The following CABP1 variants were observed in gnomAD, a reference collection of about 807,000 sequenced individuals.
CABP1 encodes the protein calcium binding protein 1.
In CABP1, 17 loss-of-function variants were observed where a neutral mutation model predicts 34.3. The observed-to-expected ratio is 0.50, with a 90% CI of 0.34 to 0.74. The LOEUF (loss-of-function observed/expected upper bound fraction) is 0.74. Among genes scored for constraint, CABP1 ranks in the 30% least tolerant of loss-of-function variants. The probability of loss-of-function intolerance (pLI) is 0.01; values close to 1 mark genes in which losing one functional copy is unlikely to be tolerated. For synonymous variants in CABP1, 198 were observed against 229.2 expected (o/e 0.86, Z 1.23); for missense variants, 373 against 511.1 (o/e 0.73, Z 2.61).
downstream of CABP1, among the ~76,000 whole-genome samples, chr12:120,671,409 G>A (rs78025165): frequency 9.4e-3 from 1,429 of 152,308 alleles, 5 homozygotes; most frequent in Non-Finnish European, 0.015. Context: ...ACTATTTCTG[G>A]TCTGGGAATA....
chr12:120,677,911 T>C, the CABP1 span, among the ~76,000 whole-genome samples: 8 of 152,172 alleles, frequency 5.3e-5, no homozygotes, highest in Non-Finnish European at 7.3e-5. Context: ...TCATATCCTC[T>C]TGGGGGACAT....
intron 1 of CABP1, among the ~76,000 whole-genome samples, chr12:120,645,722 G>A (rs929513506): frequency 2.2e-4 from 33 of 152,074 alleles, no homozygotes; most frequent in African/African-American, 7.0e-4. Context: ...CCAGCTACTC[G>A]GGAGGCTGAG....
chr12:120,679,230 C>T, the CABP1 span, among the ~76,000 whole-genome samples: 1 of 152,144 alleles, frequency 6.6e-6, no homozygotes, highest in African/African-American at 2.4e-5. Context: ...CCCAAAGTCA[C>T]ACAGTGACTA....
chr12:120,680,222 G>A, the CABP1 span, among the ~76,000 whole-genome samples: 1 of 152,152 alleles, frequency 6.6e-6, no homozygotes, highest in Non-Finnish European at 1.5e-5. Context: ...TACAAAAAGT[G>A]TATCTTTCTT....
rs948892199 is a variant in CABP1, at chr12:120,661,514, T to C, written c.1087+296T>C. On this transcript the variant is annotated intron_variant, in intron 5 of 5. Transcript: ENST00000316803. This position sits in a 1 kb window ranked among gnomAD's most constrained non-coding sequence, Gnocchi z 5.1. ...CATCTGTCCACCATCCATCCATCCA[T>C]CCATTTATCTACCCATCTATCCATC... 6.1e-6 allele frequency: 2 copies of C among 327,196 alleles called. No individual in the cohort carries two copies. The highest frequency in any genetic ancestry group is 2.1e-5 in the African/African-American group (1 of 46,738). The allele number at this position is 327,196 out of a possible 1,614,324, so 20.3% of individuals were successfully genotyped here.
intron 1 of CABP1, among the ~76,000 whole-genome samples, chr12:120,642,053 G>T (rs1389260691): frequency 1.3e-5 from 2 of 152,120 alleles, no homozygotes; most frequent in Non-Finnish European, 2.9e-5. Context: ...GCACCTGGGA[G>T]CCTGCCCTTT....
chr12:120,680,734 C>T, the CABP1 span, among the ~76,000 whole-genome samples: 1 of 152,078 alleles, frequency 6.6e-6, no homozygotes, highest in East Asian at 1.9e-4. Context: ...CCCTCTGGGT[C>T]AGTGCTTTTG....
At chr12:120,669,763 AAAAG>A (rs1461848075), downstream of CABP1, among the ~76,000 whole-genome samples, 1 of 152,004 alleles carries the variant, frequency 6.6e-6, no homozygotes, top group Non-Finnish European at 1.5e-5. Context: ...GAAAAAAAAA[AAAAG>A]AATCATAGAT....
intron 1 of CABP1, chr12:120,655,730 A>C: frequency 6.9e-7 from 1 of 1,450,750 alleles, no homozygotes. Flanking sequence ...CTCTGAGTGA[A>C]CACTTCCCAT....
In CABP1 at chr12:120,660,016, G is replaced by A. The variant is rs1046730651; in HGVS notation, c.685+108G>A. On this transcript the variant is annotated intron_variant, in intron 2 of 5. Transcript: ENST00000316803. The surrounding 1 kb of genome is among the most constrained non-coding windows in gnomAD (Gnocchi z 5.0). ...CTGGAAATGGGGCCTGGTGCAACGC[G>A]GGGTATCTTCTGTGAAACCAGCTGC... 1.6e-4 allele frequency: 215 copies of A among 1,304,600 alleles called. No homozygotes were observed. The highest frequency in any genetic ancestry group is 2.1e-4 in the Non-Finnish European group (197 of 923,126). 80.8% of individuals were successfully genotyped at this position (1,304,600 alleles called of 1,614,324 possible). A position where few individuals can be genotyped will look rare whatever the true frequency, so the allele number is the denominator to read the frequency against.
the CABP1 span, among the ~76,000 whole-genome samples, chr12:120,679,001 AG>A: frequency 2.0e-3 from 274 of 139,450 alleles, no homozygotes; most frequent in African/African-American, 7.1e-3. Flanking sequence ...TGAACTGAGG[AG>A]GCCAAGGTTG....
chr12:120,650,681 A>C, intron 1 of CABP1: 1 of 1,613,996 alleles, frequency 6.2e-7, no homozygotes, highest in Non-Finnish European at 8.5e-7. Flanking sequence ...CTCTCAAGGA[A>C]GGTATGTTTT....
intron 5 of CABP1, among the ~76,000 whole-genome samples, chr12:120,664,162 G>C (rs1880822532): frequency 6.6e-6 from 1 of 152,228 alleles, no homozygotes; most frequent in Non-Finnish European, 1.5e-5. Context: ...ATCCTACGAG[G>C]ATGCATTGTA....
intron 1 of CABP1, among the ~76,000 whole-genome samples, chr12:120,646,029 T>G (rs1879523013): frequency 1.3e-5 from 2 of 152,196 alleles, no homozygotes; most frequent in African/African-American, 4.8e-5. Flanking sequence ...CTAGCCACAG[T>G]GACAGAGTGA....
chr12:120,665,804 G>A (rs908942340), intron 5 of CABP1, among the ~76,000 whole-genome samples: 1 of 149,634 alleles, frequency 6.7e-6, no homozygotes, highest in Non-Finnish European at 1.5e-5. Flanking sequence ...GGCGGATCAC[G>A]AGGTCAGGAG....
chr12:120,649,703 G>C (rs1406907691), intron 1 of CABP1, among the ~76,000 whole-genome samples: 1 of 152,086 alleles, frequency 6.6e-6, no homozygotes, highest in African/African-American at 2.4e-5. Context: ...TGCTCCCCTC[G>C]GGGCCATCTC....
In CABP1 at chr12:120,661,077, A is replaced by T; in HGVS notation, c.946A>T (p.Thr316Ser). 1 of 1,612,778 alleles carries T rather than the reference A, an allele frequency of 6.2e-7. No individual in the cohort carries two copies. The highest frequency in any genetic ancestry group is 8.5e-7 in the Non-Finnish European group (1 of 1,179,424). The change falls in exon 5 of 6, where the codon ACC (threonine) becomes TCC (serine). Residue 316 changes from threonine (T) to serine (S), a missense_variant. Thr to Ser is a moderately conservative substitution (Grantham distance 58). Around this residue, in one of 4 missense-constraint regions of CABP1, gnomAD observed 109 missense variants for 204.8 expected, o/e 0.53. Coordinates refer to ENST00000316803, the MANE Select transcript of CABP1 (RefSeq NM_001033677.2). This position sits in a 1 kb window ranked among gnomAD's most constrained non-coding sequence, Gnocchi z 5.1. ...ELRDAFREFD[T>S]NGDGEISTSE... The stretch of plus-strand genomic sequence containing the variant: ...TCCTTCCTGCCTTCTCTAGTTTGAC[A>T]CCAATGGTGATGGGGAAATAAGCAC...
At chr12:120,664,634 T>C (rs1004576570) in intron 5 of CABP1, among the ~76,000 whole-genome samples, 1 of 151,814 alleles carries the variant, frequency 6.6e-6, no homozygotes, top group Non-Finnish European at 1.5e-5. Flanking sequence ...AGCACTATGG[T>C]AGGCCGAGGT....
In CABP1 at chr12:120,660,274, G is replaced by A. The variant is rs747880479; in HGVS notation, c.764G>A (p.Arg255His). 8 of 1,606,466 alleles carry A rather than the reference G, an allele frequency of 5.0e-6. No homozygotes were observed. The highest frequency in any genetic ancestry group is 1.4e-5 in the African/African-American group (1 of 73,010). The change falls in exon 3 of 6, where the codon CGC becomes CAC. Residue 255 changes from arginine to histidine, a missense_variant. Arg to His is a conservative substitution (Grantham distance 29, BLOSUM62 0). This residue lies in a region of CABP1 where 109 missense variants were observed against 204.8 expected (regional missense o/e 0.53). Coordinates refer to ENST00000316803, the MANE Select transcript of CABP1 (RefSeq NM_001033677.2). The surrounding 1 kb of genome is among the most constrained non-coding windows in gnomAD (Gnocchi z 5.0). ...TGCCGGGATCTGGGCAACTGCATGC[G>A]CACCATGGGCTACATGCCCACCGAG... ...INCRDLGNCM[R>H]TMGYMPTEME...
Sources: allele counts gnomAD v4.1 joint callset (sites outside exome capture counted in the v4.1 genomes callset), GRCh38; gene constraint gnomAD v4.1.1; regional missense constraint gnomAD v4.1.1; non-coding constraint Gnocchi (gnomAD v3.1); transcripts MANE v1.5; gene names NCBI Gene and HGNC (gene_info 2026-07-23, HGNC 2026-07-21).